Variants in ROR1 observed in about 807,000 individuals in gnomAD.
ROR1 encodes ROR family WNT receptor 1.
A neutral mutation model predicts 78.8 loss-of-function variants in ROR1; 19 were observed. The ratio of observed to expected loss-of-function variants is 0.24; its 90% CI spans 0.17 to 0.35. ROR1 has a LOEUF of 0.35. Ranked by LOEUF, ROR1 falls within the 10% of genes least tolerant of loss-of-function variation. ROR1 has a pLI of 1.00. For missense variants in ROR1, 917 were observed against 1,177.8 expected (o/e 0.78, Z 3.24); for synonymous variants, 386 against 433.6 (o/e 0.89, Z 1.36).
At chr1:63,795,037 T>C (rs1644751504) in intron 1 of ROR1, among the ~76,000 whole-genome samples, 1 of 152,042 alleles carries the variant, frequency 6.6e-6, no homozygotes. Context: ...GTGCAGAGCC[T>C]CGAATGCCAT....
intron 1 of ROR1, among the ~76,000 whole-genome samples, chr1:63,927,966 T>C (rs1025645774): frequency 6.6e-6 from 1 of 151,936 alleles, no homozygotes; most frequent in African/African-American, 2.4e-5. Flanking sequence ...TCCCTTTTTT[T>C]TTTTTTTTTT....
At chr1:63,830,014 CAA>C (rs71056007) in intron 1 of ROR1, among the ~76,000 whole-genome samples, 1 of 141,478 alleles carries the variant, frequency 7.1e-6, no homozygotes, top group Non-Finnish European at 1.5e-5. Flanking sequence ...GCAATGAGGC[CAA>C]AAAAAAAAAC....
intron 1 of ROR1, among the ~76,000 whole-genome samples, chr1:63,844,596 A>C (rs1457697302): frequency 6.6e-6 from 1 of 152,166 alleles, no homozygotes; most frequent in African/African-American, 2.4e-5. Context: ...TCTAGGGATG[A>C]AGGGTGGAAG....
chr1:63,794,767 T>C lies in ROR1; in HGVS notation c.91+20259T>C, dbSNP rs530606984. On this transcript the variant is annotated intron_variant, in intron 1 of 8. Coordinates refer to ENST00000371079, the MANE Select transcript of ROR1 (RefSeq NM_005012.4). ...AGAAGGGAGCAGCGGAGGGAACATA[T>C]CAATATGATGTAAGAATAATAGCTC... Among the ~76,000 whole-genome samples the C allele has an allele frequency of 2.3e-4, 35 of 152,202 alleles. No homozygotes were observed. In the South Asian group the frequency reaches 2.7e-3, roughly 12 times the overall value.
chr1:63,917,526 C>T (rs886176964), intron 1 of ROR1, among the ~76,000 whole-genome samples: 4 of 152,138 alleles, frequency 2.6e-5, no homozygotes, highest in African/African-American at 9.7e-5. Flanking sequence ...TTTTATTCAA[C>T]CAATCCCCTA....
chr1:64,071,340 T>G (rs1647002254), intron 4 of ROR1, among the ~76,000 whole-genome samples: 1 of 152,162 alleles, frequency 6.6e-6, no homozygotes, highest in African/African-American at 2.4e-5. Context: ...AGGAAGTTTT[T>G]GCACTAGTCT....
rs958260800 is a variant in ROR1 at position 64,146,429 on chromosome 1, T to C, written c.1174+3779T>C. On this transcript the variant is annotated intron_variant, in intron 7 of 8. Coordinates refer to ENST00000371079, the MANE Select transcript of ROR1 (RefSeq NM_005012.4). ...AGGCGGAGGTTGCAGTGAGCCGAGA[T>C]CGCACCACTGCACTCCAGCCTGGGC... Among the ~76,000 whole-genome samples the C allele has an allele frequency of 1.6e-3, 247 of 152,176 alleles. 2 individuals carry two copies. The highest frequency in any genetic ancestry group is 5.8e-3 in the African/African-American group (239 of 41,512).
chr1:63,877,440 A>T (rs563747766), intron 1 of ROR1, among the ~76,000 whole-genome samples: 1 of 152,314 alleles, frequency 6.6e-6, no homozygotes, highest in South Asian at 2.1e-4. Flanking sequence ...GACAATGTGT[A>T]TAAGGCACTC....
intron 2 of ROR1, among the ~76,000 whole-genome samples, chr1:64,044,410 T>A (rs1203970059): frequency 3.3e-5 from 5 of 152,090 alleles, no homozygotes; most frequent in Admixed American, 6.5e-5. Context: ...TCAAACAAAT[T>A]CAGACAATGG....
intron 1 of ROR1, among the ~76,000 whole-genome samples, chr1:63,916,825 C>T (rs1017470372): frequency 2.0e-5 from 3 of 152,200 alleles, no homozygotes; most frequent in Non-Finnish European, 4.4e-5. Context: ...ATTGAAGTTA[C>T]TCACTGCATT....
intron 1 of ROR1, among the ~76,000 whole-genome samples, chr1:64,004,807 A>G (rs1646415227): frequency 6.6e-6 from 1 of 152,174 alleles, no homozygotes; most frequent in Admixed American, 6.5e-5. Flanking sequence ...GTTGAGGCTT[A>G]AATACCAAAA....
chr1:63,894,532 G>A (rs181776371), intron 1 of ROR1, among the ~76,000 whole-genome samples: 8 of 152,186 alleles, frequency 5.3e-5, no homozygotes, highest in African/African-American at 1.2e-4. Flanking sequence ...TTACATTTGT[G>A]CACTTGATTT....
intron 4 of ROR1, among the ~76,000 whole-genome samples, chr1:64,109,242 A>G (rs1443431778): frequency 6.6e-6 from 1 of 152,190 alleles, no homozygotes; most frequent in Non-Finnish European, 1.5e-5. Flanking sequence ...ATCAGCTCCG[A>G]TGCACAAGAT....
chr1:63,860,616 C>CACACAA (rs1645174981), intron 1 of ROR1, among the ~76,000 whole-genome samples: 2 of 146,884 alleles, frequency 1.4e-5, no homozygotes, highest in African/African-American at 5.1e-5. Flanking sequence ...TACACACACA[C>CACACAA]AAAATAGCCA....
chr1:64,057,435 A>T (rs776382158), intron 4 of ROR1, among the ~76,000 whole-genome samples: 1 of 152,228 alleles, frequency 6.6e-6, no homozygotes. Context: ...CAAAACCAGT[A>T]AAATTGTGTA....
At chr1:63,990,442 C>T (rs1646285828) in intron 1 of ROR1, among the ~76,000 whole-genome samples, 1 of 152,096 alleles carries the variant, frequency 6.6e-6, no homozygotes, top group South Asian at 2.1e-4. Flanking sequence ...GAATAGAGTG[C>T]CTTAGAAATA....
At chr1:63,844,759 T>A (rs932374529) in intron 1 of ROR1, among the ~76,000 whole-genome samples, 3 of 152,176 alleles carry the variant, frequency 2.0e-5, no homozygotes, top group African/African-American at 7.2e-5. Context: ...ATCTCCTCAA[T>A]GAAATAAAGC....
chr1:64,018,713 G>A (rs2100554034), intron 2 of ROR1, among the ~76,000 whole-genome samples: 1 of 152,280 alleles, frequency 6.6e-6, no homozygotes, highest in South Asian at 2.1e-4. Flanking sequence ...AACTTCTTGA[G>A]ATCAGAAGTC....
intron 2 of ROR1, among the ~76,000 whole-genome samples, chr1:64,049,077 T>C (rs948389031): frequency 6.6e-6 from 1 of 152,228 alleles, no homozygotes; most frequent in Non-Finnish European, 1.5e-5. Flanking sequence ...TAATTACATA[T>C]TGTAACATGT....
Sources: gnomAD v4.1 joint callset for allele counts (sites outside exome capture counted in the v4.1 genomes callset) on GRCh38, gnomAD v4.1.1 for gene constraint, MANE v1.5 for transcripts, NCBI Gene and HGNC (gene_info 2026-07-23, HGNC 2026-07-21) for gene names.